The following HOGA1 variants were observed in gnomAD, a reference collection of about 807,000 sequenced individuals.
HOGA1 encodes the protein 4-hydroxy-2-oxoglutarate aldolase, mitochondrial.
HOGA1 carries 30 observed loss-of-function variants against 34.3 expected under a neutral mutation model. The observed-to-expected ratio is 0.87, with a 90% CI of 0.65 to 1.19. HOGA1 has a LOEUF of 1.19. Among genes scored for constraint, HOGA1 ranks in the 50% most tolerant of loss-of-function variants. HOGA1 has a pLI of 0.00. For synonymous variants in HOGA1, 161 were observed against 174.0 expected, an observed-to-expected ratio of 0.93 and a Z score of 0.59; for missense variants, 417 against 436.5, an observed-to-expected ratio of 0.96 and a Z score of 0.40.
Position 97,599,809 on chromosome 10 carries a change from G to A in HOGA1, c.598G>A (p.Gly200Ser). The change falls in exon 4 of 7, where the codon GGT becomes AGT. Residue 200 changes from glycine (G) to serine (S), a missense_variant. Coordinates refer to ENST00000370646, the MANE Select transcript of HOGA1 (RefSeq NM_138413.4). Reference sequence around the variant, plus strand: ...TATTGTGGGCATGAAGGACAGCGGTGGTGATGTGAGTGGCAGCAGCTCCGG... The same window carrying A: ...TATTGTGGGCATGAAGGACAGCGGTAGTGATGTGAGTGGCAGCAGCTCCGG... ...PNIVGMKDSG[G>S]DVTRIGLIVH... 1 of 1,614,218 alleles carries A rather than the reference G, an allele frequency of 6.2e-7. No individual in the cohort carries two copies. Among genetic ancestry groups the A allele is most frequent in the Non-Finnish European group, 8.5e-7 (1 of 1,180,034 alleles).
chr10:97,597,399 C>A (rs879407338), intron 1 of HOGA1, among the ~76,000 whole-genome samples: 1 of 149,770 alleles, frequency 6.7e-6, no homozygotes, highest in East Asian at 2.0e-4. Flanking sequence ...TTTTTTTTTT[C>A]TTTAATGGAG....
At chr10:97,590,724 T>C in intron 1 of HOGA1, 1 of 698,296 alleles carries the variant, frequency 1.4e-6, no homozygotes, top group East Asian at 2.7e-5. Context: ...CTTAGGCTCC[T>C]CACGGGGATT....
chr10:97,593,961 C>T (rs146158379), intron 1 of HOGA1, among the ~76,000 whole-genome samples: 366 of 152,032 alleles, frequency 2.4e-3, no homozygotes, highest in African/African-American at 8.5e-3. Flanking sequence ...CTCTGCCTCC[C>T]GGGTTCAAGC....
intron 6 of HOGA1, among the ~76,000 whole-genome samples, chr10:97,607,167 C>G (rs2041163890): frequency 1.3e-5 from 2 of 151,188 alleles, no homozygotes. Context: ...TATGGACATC[C>G]TGCTGCCTGG....
At chr10:97,596,118 C>T (rs1589906307) in intron 1 of HOGA1, among the ~76,000 whole-genome samples, 2 of 152,332 alleles carry the variant, frequency 1.3e-5, no homozygotes, top group South Asian at 4.1e-4. Flanking sequence ...TCTAGTGCTG[C>T]CCTGACTACG....
Position 97,611,938 on chromosome 10 carries a change from T to A in HOGA1, c.*279T>A. ...TCTCAATTTATCTTTCTACTGTGGATGCTTTCCTACGCCCTGAGGCACATG... is the reference window on the plus strand; with the variant it reads ...TCTCAATTTATCTTTCTACTGTGGAAGCTTTCCTACGCCCTGAGGCACATG... On this transcript the variant is annotated 3_prime_UTR_variant, in exon 7 of 7. Transcript: ENST00000370646. 2.1e-6 allele frequency: 1 copy of A among 485,778 alleles called. No homozygotes were observed. Among genetic ancestry groups the A allele is most frequent in the South Asian group, 2.6e-5 (1 of 38,820 alleles). 30.1% of individuals were successfully genotyped at this position (485,778 alleles called of 1,614,324 possible). A position where few individuals can be genotyped will look rare whatever the true frequency, so the allele number is the denominator to read the frequency against.
At chr10:97,599,448 T>C (rs1172335735) in intron 3 of HOGA1, 3 of 718,638 alleles carry the variant, frequency 4.2e-6, no homozygotes, top group Non-Finnish European at 7.1e-6. Flanking sequence ...GCAGTGAGCA[T>C]TAAATGAGAT....
chr10:97,587,786 G>T (rs373477403), intron 1 of HOGA1, among the ~76,000 whole-genome samples: 1 of 150,556 alleles, frequency 6.6e-6, no homozygotes, highest in Non-Finnish European at 1.5e-5. Flanking sequence ...GATTACAGGC[G>T]TGAGCCACCG....
intron 1 of HOGA1, among the ~76,000 whole-genome samples, chr10:97,587,261 G>A (rs1407005727): frequency 6.6e-6 from 1 of 152,118 alleles, no homozygotes; most frequent in Non-Finnish European, 1.5e-5. Flanking sequence ...CACATTGTAA[G>A]GGCCTCCTGC....
intron 1 of HOGA1, chr10:97,590,227 C>G: frequency 6.2e-7 from 1 of 1,613,918 alleles, no homozygotes; most frequent in Non-Finnish European, 8.5e-7. Flanking sequence ...AAGAGATCCA[C>G]CAGGAGTCTG....
chr10:97,589,632 C>G (rs1250223031), intron 1 of HOGA1: 1 of 445,332 alleles, frequency 2.2e-6, no homozygotes, highest in African/African-American at 2.0e-5. Context: ...CTCTCCCCAC[C>G]CCACCCGCAA....
Position 97,584,548 on chromosome 10 carries a change from G to A in HOGA1, c.-156G>A. The A allele has an allele frequency of 1.5e-6, 1 of 686,974 alleles. No homozygotes were observed. Among genetic ancestry groups the A allele is most frequent in the Non-Finnish European group, 2.5e-6 (1 of 398,246 alleles). The allele number at this position is 686,974 out of a possible 1,614,324, so 42.6% of individuals were successfully genotyped here. ...GCCTATAGGCCTTGCCCCTGACCCT[G>A]GGAACACCCAGCTCAGGCCTGCCCC... is the stretch of plus-strand genomic sequence containing the variant. On this transcript the variant is annotated 5_prime_UTR_variant, in exon 1 of 7. Transcript: ENST00000370646.
chr10:97,598,775 G>T lies in HOGA1; in HGVS notation c.212G>T (p.Gly71Val). The change falls in exon 2 of 7, where the codon GGC becomes GTC. Residue 71 changes from glycine (G) to valine (V), a missense_variant and splice_region_variant. By Grantham distance (109) the Gly-to-Val change is moderately radical. Transcript: ENST00000370646. ...AGTTAGTCAGCTGTGTCTCTTGCAG[G>T]CTTCGTGGTCCAGGGCTCCAATGGC... ...LHKLGTFPFR[G>V]FVVQGSNGEF... 6.2e-7 allele frequency: 1 copy of T among 1,614,218 alleles called. No homozygotes were observed. The highest frequency in any genetic ancestry group is 8.5e-7 in the Non-Finnish European group (1 of 1,180,048).
chr10:97,589,842 A>G, intron 1 of HOGA1: 4 of 1,389,884 alleles, frequency 2.9e-6, no homozygotes, highest in Non-Finnish European at 3.0e-6. Context: ...CTCATCCAGC[A>G]GCCATCATGC....
At chr10:97,611,454 C>T in intron 6 of HOGA1, 56 bp from the exon 7 acceptor site, 1 of 1,602,578 alleles carries the variant, frequency 6.2e-7, no homozygotes, top group Non-Finnish European at 8.5e-7. Flanking sequence ...CTCCGAGTTC[C>T]AGATATGGGT....
At chr10:97,587,492 A>G (rs1436087824) in intron 1 of HOGA1, among the ~76,000 whole-genome samples, 1 of 152,078 alleles carries the variant, frequency 6.6e-6, no homozygotes, top group Non-Finnish European at 1.5e-5. Flanking sequence ...ATTCTTCTGG[A>G]AAGCACTCCC....
At chr10:97,596,537 G>A (rs2041073009) in intron 1 of HOGA1, among the ~76,000 whole-genome samples, 1 of 152,124 alleles carries the variant, frequency 6.6e-6, no homozygotes, top group South Asian at 2.1e-4. Context: ...ACCCAGGGCT[G>A]GCAGCTTTTA....
chr10:97,611,742 G>T lies in HOGA1; in HGVS notation c.*83G>T. ...CAGCCTGAAGCGGAGAGCACAGGGG[G>T]ATGAGGGTGGCAGGCAGCGGGGAGC... On this transcript the variant is annotated 3_prime_UTR_variant, in exon 7 of 7. Transcript: ENST00000370646. 2.0e-6 allele frequency: 3 copies of T among 1,505,360 alleles called. No homozygotes were observed. The highest frequency in any genetic ancestry group is 2.7e-6 in the Non-Finnish European group (3 of 1,114,880). The allele number at this position is 1,505,360 out of a possible 1,614,324, so 93.3% of individuals were successfully genotyped here.
At chr10:97,600,210 C>T in intron 5 of HOGA1, 47 bp downstream of exon 5, 4 of 1,491,866 alleles carry the variant, frequency 2.7e-6, no homozygotes, top group South Asian at 1.1e-5. Flanking sequence ...CCAAGAGATA[C>T]CCAGGTACCT....
Sources: gnomAD v4.1 joint callset for allele counts (sites outside exome capture counted in the v4.1 genomes callset) on GRCh38, gnomAD v4.1.1 for gene constraint, MANE v1.5 for transcripts, NCBI Gene and HGNC (gene_info 2026-07-23, HGNC 2026-07-21) for gene names.